GNB1: variants seen among roughly 807,000 people sequenced by gnomAD.
The protein encoded by GNB1 is G protein subunit beta 1.
GNB1 carries 2 observed loss-of-function variants against 42.9 expected under a neutral mutation model. The ratio of observed to expected loss-of-function variants is 0.05; its 90% confidence interval spans 0.02 to 0.15. GNB1 has a LOEUF of 0.15. Among genes scored for constraint, GNB1 ranks in the 10% least tolerant of loss-of-function variants. The pLI, the probability that GNB1 is intolerant of heterozygous loss-of-function variation, is 1.00. For missense variants in GNB1, 193 were observed against 462.2 expected (o/e 0.42, Z 5.34); for synonymous variants, 183 against 174.7 (o/e 1.05, Z -0.38).
At chr1:1,843,783 A>C (rs371901409) in intron 1 of GNB1, among the ~76,000 whole-genome samples, 3 of 152,142 alleles carry the variant, frequency 2.0e-5, no homozygotes, top group African/African-American at 7.2e-5. Context: ...CCCTTAAAGA[A>C]CATCAGGAGC....
intron 7 of GNB1, among the ~76,000 whole-genome samples, chr1:1,794,355 A>G (rs190347532): frequency 6.6e-6 from 1 of 152,280 alleles, no homozygotes; most frequent in Non-Finnish European, 1.5e-5. Context: ...TCTGTTGACC[A>G]TTATTTCTTT....
chr1:1,797,403 C>T (rs1010846181), intron 7 of GNB1, among the ~76,000 whole-genome samples: 7 of 152,006 alleles, frequency 4.6e-5, no homozygotes, highest in Non-Finnish European at 1.0e-4. Flanking sequence ...ATAGGGTCTC[C>T]CAACATAAAA....
Position 1,785,938 on chromosome 1 carries a change from C to T in GNB1, c.*1125G>A, listed in dbSNP as rs1466986499. On this transcript the variant is annotated 3_prime_UTR_variant, in exon 12 of 12. Transcript: ENST00000378609. Reference sequence around the variant, plus strand: ...GTGGACAGAGCCGCAATGGTTACAACTGTAAGAGGTTATTTCTTAAAAGAA... The same window carrying T: ...GTGGACAGAGCCGCAATGGTTACAATTGTAAGAGGTTATTTCTTAAAAGAA... 5.0e-6 allele frequency: 2 copies of T among 398,780 alleles called. No individual in the cohort carries two copies. Among genetic ancestry groups the T allele is most frequent in the African/African-American group, 4.1e-5 (2 of 48,556 alleles). The allele number at this position is 398,780 out of a possible 1,614,324, so 24.7% of individuals were successfully genotyped here.
intron 1 of GNB1, among the ~76,000 whole-genome samples, chr1:1,880,416 G>A (rs1252193807): frequency 1.3e-5 from 2 of 151,752 alleles, no homozygotes; most frequent in Non-Finnish European, 2.9e-5. Context: ...GTGAAACCCC[G>A]CCTCTACTAA....
intron 2 of GNB1, among the ~76,000 whole-genome samples, chr1:1,831,418 T>C (rs1239637865): frequency 1.3e-5 from 2 of 152,164 alleles, no homozygotes; most frequent in Non-Finnish European, 2.9e-5. Context: ...GCTTACTATA[T>C]ACTAAGTCAA....
At chr1:1,811,053 T>C (rs1369334920) in intron 5 of GNB1, among the ~76,000 whole-genome samples, 1 of 149,616 alleles carries the variant, frequency 6.7e-6, no homozygotes, top group African/African-American at 2.5e-5. Flanking sequence ...ATGCGCATGT[T>C]TGTGGGTATA....
At chr1:1,876,774 T>C (rs1649568916) in intron 1 of GNB1, among the ~76,000 whole-genome samples, 1 of 152,162 alleles carries the variant, frequency 6.6e-6, no homozygotes. Context: ...AAGAATTTTA[T>C]TTGTAGCATG....
chr1:1,831,334 C>G (rs1205226744), intron 2 of GNB1, among the ~76,000 whole-genome samples: 1 of 152,086 alleles, frequency 6.6e-6, no homozygotes, highest in Non-Finnish European at 1.5e-5. Flanking sequence ...AAGATCCTGT[C>G]TCTAAATAGT....
At chr1:1,813,516 T>G (rs1646810917) in intron 5 of GNB1, among the ~76,000 whole-genome samples, 1 of 152,240 alleles carries the variant, frequency 6.6e-6, no homozygotes. Context: ...AGGGTCTCAC[T>G]CTGCCGTGCA....
At chr1:1,852,687 A>G (rs527420554) in intron 1 of GNB1, among the ~76,000 whole-genome samples, 32 of 139,120 alleles carry the variant, frequency 2.3e-4, no homozygotes, top group African/African-American at 8.4e-4. Context: ...GTCTCTTAAG[A>G]AAAAAAAAAA....
At chr1:1,834,469 A>C (rs2101093876) in intron 2 of GNB1, among the ~76,000 whole-genome samples, 1 of 152,304 alleles carries the variant, frequency 6.6e-6, no homozygotes, top group South Asian at 2.1e-4. Flanking sequence ...GAAATCATTC[A>C]ATAGATACAC....
intron 2 of GNB1, among the ~76,000 whole-genome samples, chr1:1,834,655 A>C (rs6663586): frequency 0.24 from 35,406 of 149,488 alleles, 4,383 homozygotes; most frequent in Non-Finnish European, 0.26. Flanking sequence ...AGAGGAGGCT[A>C]AACTCCAAGC....
chr1:1,832,043 C>T, intron 2 of GNB1, among the ~76,000 whole-genome samples: 1 of 125,552 alleles, frequency 8.0e-6, no homozygotes, highest in Middle Eastern at 4.8e-3. Context: ...AGCCTGAGCA[C>T]ATGGAGTGAG....
chr1:1,878,245 G>A (rs774349898), intron 1 of GNB1, among the ~76,000 whole-genome samples: 1 of 152,192 alleles, frequency 6.6e-6, no homozygotes, highest in African/African-American at 2.4e-5. Context: ...CTTCAACAGG[G>A]CAAAACGCAA....
chr1:1,804,189 C>CA (rs1446146863), intron 7 of GNB1, among the ~76,000 whole-genome samples: 2 of 151,560 alleles, frequency 1.3e-5, no homozygotes, highest in African/African-American at 2.4e-5. Flanking sequence ...CCCAGCTACT[C>CA]AGGAGGCTGA....
intron 1 of GNB1, among the ~76,000 whole-genome samples, chr1:1,889,238 AAAT>A (rs1650328648): frequency 6.6e-6 from 1 of 151,974 alleles, no homozygotes; most frequent in Non-Finnish European, 1.5e-5. Context: ...TAATCATGAA[AAAT>A]AATCTTCATA....
intron 7 of GNB1, among the ~76,000 whole-genome samples, chr1:1,795,301 C>A (rs1328705476): frequency 2.6e-5 from 4 of 152,186 alleles, no homozygotes; most frequent in Non-Finnish European, 5.9e-5. Flanking sequence ...CAGGGAAGCA[C>A]CCCCACCCCG....
intron 2 of GNB1, among the ~76,000 whole-genome samples, chr1:1,838,449 C>CTTT (rs112843995): frequency 1.4e-5 from 2 of 141,580 alleles, no homozygotes; most frequent in African/African-American, 2.6e-5. Context: ...TTTTTCTTTT[C>CTTT]TTTTTTTTTT....
chr1:1,849,748 C>T (rs767906610), intron 1 of GNB1, among the ~76,000 whole-genome samples: 7 of 152,126 alleles, frequency 4.6e-5, no homozygotes, highest in Non-Finnish European at 1.0e-4. Flanking sequence ...TTCTCTTTGA[C>T]TTTCAGCAGT....
Sources: allele counts gnomAD v4.1 joint callset (sites outside exome capture counted in the v4.1 genomes callset), GRCh38; gene constraint gnomAD v4.1.1; transcripts MANE v1.5; gene names NCBI Gene and HGNC (gene_info 2026-07-23, HGNC 2026-07-21).